Variants in ZGRF1 observed in about 807,000 individuals in gnomAD.
ZGRF1 encodes 5'-3' DNA helicase ZGRF1.
In ZGRF1, 196 loss-of-function variants were observed where a neutral mutation model predicts 203.5. The observed-to-expected ratio is 0.96, with a 90% CI of 0.86 to 1.08. ZGRF1 has a LOEUF of 1.08. Among genes scored for constraint, ZGRF1 ranks in the 50% least tolerant of loss-of-function variants. The pLI is 0.00. For missense variants in ZGRF1, 2,326 were observed against 2,416.3 expected, an observed-to-expected ratio of 0.96 and a Z score of 0.78; for synonymous variants, 809 against 841.3, an observed-to-expected ratio of 0.96 and a Z score of 0.66.
chr4:112,553,239 G>T (rs960384781), intron 22 of ZGRF1, among the ~76,000 whole-genome samples: 5 of 152,164 alleles, frequency 3.3e-5, no homozygotes, highest in African/African-American at 1.2e-4. Context: ...GCTGCTGATT[G>T]ATTTTTTCTC....
chr4:112,620,356 T>C (rs573222185), intron 4 of ZGRF1, among the ~76,000 whole-genome samples, 166 bp from the exon 5 acceptor site: 48 of 152,364 alleles, frequency 3.2e-4, no homozygotes, highest in African/African-American at 1.1e-3. Flanking sequence ...ACTCATTAAC[T>C]ATCAATAAGC....
In ZGRF1 at chr4:112,560,738, A is replaced by G. The variant is rs1325323949; in HGVS notation, c.4955T>C (p.Ile1652Thr). Reference protein sequence around the residue: ...LQTHTFPITIIHGVFGAGKSY... With the variant: ...LQTHTFPITITHGVFGAGKSY... Reference sequence around the variant, plus strand: ...TTTTCTTTCTTGCTTCTTACCATGTATGATTGTGATAGGGAAGGTATGAGT... The same window carrying G: ...TTTTCTTTCTTGCTTCTTACCATGTGTGATTGTGATAGGGAAGGTATGAGT... The change falls in exon 19 of 28, where the codon ATA (isoleucine) becomes ACA (threonine). Residue 1652 changes from isoleucine (I) to threonine (T), a missense_variant. Coordinates refer to ENST00000505019, the MANE Select transcript of ZGRF1 (RefSeq NM_018392.5). 1 of 1,583,878 alleles carries G rather than the reference A, an allele frequency of 6.3e-7. No individual in the cohort carries two copies. Among genetic ancestry groups the G allele is most frequent in the East Asian group, 2.3e-5 (1 of 44,162 alleles).
intron 27 of ZGRF1, 57 bp from the exon 28 acceptor site, chr4:112,539,746 T>C: frequency 6.4e-7 from 1 of 1,561,754 alleles, no homozygotes; most frequent in Non-Finnish European, 8.7e-7. Flanking sequence ...GGTCCCAATA[T>C]TATCATGTCA....
In ZGRF1 at chr4:112,599,176, C is replaced by T. The variant is rs992971236; in HGVS notation, c.2976+4348G>A. On this transcript the variant is annotated intron_variant, in intron 10 of 27. Transcript: ENST00000505019. ...AATATACAAATAATATATAGAGAAC[C>T]TCTATACCAAAACTGTAAAACATTA... 2.6e-5 allele frequency among the ~76,000 whole-genome samples: 4 copies of T among 152,082 alleles called. No homozygotes were observed. The South Asian group carries it at 6.2e-4, about 24-fold the overall frequency.
chr4:112,582,462 T>C (rs1221258344), intron 15 of ZGRF1, among the ~76,000 whole-genome samples: 2 of 151,252 alleles, frequency 1.3e-5, no homozygotes, highest in African/African-American at 4.9e-5. Flanking sequence ...GCTTTTTCCT[T>C]TTTTTTTGAG....
Position 112,619,320 on chromosome 4 carries a change from T to C in ZGRF1, c.722A>G (p.His241Arg), listed in dbSNP as rs780880619. 9 of 1,612,664 alleles carry C rather than the reference T, an allele frequency of 5.6e-6. No individual in the cohort carries two copies. The highest frequency in any genetic ancestry group is 4.5e-5 in the East Asian group (2 of 44,872). ...EPVKRDSLAS[H>R]YSGVSQNIRS... ...GATGTTTTGTGAAACTCCTGAATAG[T>C]GAGATGCCAAACTATCTCTTTTCAC... Residue 241 changes from histidine to arginine, a missense_variant, in exon 6 of 28, where the codon CAC (histidine) becomes CGC (arginine). Physicochemically the swap from His to Arg is conservative, Grantham distance 29 (BLOSUM62 0). Transcript: ENST00000505019.
In ZGRF1 at chr4:112,585,543, T is replaced by C. The variant is rs759177354; in HGVS notation, c.4099A>G (p.Lys1367Glu). ...LVMVKKEGPN[K>E]GRLFYTCDGP... ...AGGGGGAGGGGAAGCAAGAATACCT[T>C]ATTTGGACCTTCCTTTTTAACCATG... Residue 1367 changes from lysine to glutamate, a missense_variant and splice_region_variant, in exon 14 of 28, where the codon AAG (lysine) becomes GAG (glutamate). Physicochemically the swap from Lys to Glu is moderately conservative, Grantham distance 56. Transcript: ENST00000505019. 2 of 1,609,436 alleles carry C rather than the reference T, an allele frequency of 1.2e-6. No individual in the cohort carries two copies. Among genetic ancestry groups the C allele is most frequent in the East Asian group, 4.5e-5 (2 of 44,714 alleles).
intron 9 of ZGRF1, among the ~76,000 whole-genome samples, chr4:112,604,917 A>G (rs1302846362): frequency 6.6e-6 from 1 of 152,210 alleles, no homozygotes; most frequent in Non-Finnish European, 1.5e-5. Flanking sequence ...TAACAAAATG[A>G]CAGTAATATA....
chr4:112,589,643 T>C lies in ZGRF1; in HGVS notation c.3127+81A>G, dbSNP rs147383986. On this transcript the variant is annotated intron_variant, in intron 11 of 27. Transcript: ENST00000505019. ...TGACACTGAATCTGGTTCTAAGATA[T>C]ATTTAGTGTAATAATCTCTCAAATA... is the stretch of plus-strand genomic sequence containing the variant. 2.4e-4 allele frequency: 294 copies of C among 1,233,698 alleles called. 2 individuals carry two copies. The East Asian group carries it at 5.7e-3, about 24-fold the overall frequency. The allele number at this position is 1,233,698 out of a possible 1,614,324, so 76.4% of individuals were successfully genotyped here.
chr4:112,584,201 T>C (rs1483081870), intron 14 of ZGRF1, 27 bp from the exon 15 acceptor site: 3 of 1,470,626 alleles, frequency 2.0e-6, no homozygotes, highest in Non-Finnish European at 2.7e-6. Flanking sequence ...AAGATCAACA[T>C]TTAGTGAAAA....
At position 112,618,672 on chromosome 4, in the gene ZGRF1, T is replaced by C; in HGVS notation, c.1370A>G (p.Glu457Gly). ...ACATGTATTTACCTCCTGAGCATTT[T>C]CTTTAATGAGAACTGATCCTTTAAT... ...GCIKGSVLIK[E>G]NAQEVNTCGT... The change falls in exon 6 of 28, where the codon GAA becomes GGA. Residue 457 changes from glutamate to glycine, a missense_variant. Glu to Gly is a moderately conservative substitution (Grantham distance 98, BLOSUM62 -2). Transcript: ENST00000505019. The C allele has an allele frequency of 6.2e-7, 1 of 1,613,082 alleles. No individual in the cohort carries two copies. The highest frequency in any genetic ancestry group is 8.5e-7 in the Non-Finnish European group (1 of 1,179,830).
chr4:112,542,867 A>T (rs1419777460), intron 24 of ZGRF1, among the ~76,000 whole-genome samples: 1 of 145,312 alleles, frequency 6.9e-6, no homozygotes, highest in Non-Finnish European at 1.5e-5. Context: ...TCTGTTGCCC[A>T]GGCTGGAATG....
intron 11 of ZGRF1, among the ~76,000 whole-genome samples, chr4:112,588,717 T>C (rs1194810089): frequency 6.6e-6 from 1 of 152,220 alleles, no homozygotes; most frequent in Non-Finnish European, 1.5e-5. Flanking sequence ...ATTCCTATTT[T>C]ATAATAATGT....
intron 15 of ZGRF1, among the ~76,000 whole-genome samples, chr4:112,582,211 A>T (rs1389854382): frequency 6.6e-6 from 1 of 152,128 alleles, no homozygotes; most frequent in Non-Finnish European, 1.5e-5. Flanking sequence ...TGTGTTGGGA[A>T]CATTACAATT....
intron 15 of ZGRF1, among the ~76,000 whole-genome samples, chr4:112,582,912 C>G (rs1746519979): frequency 6.6e-6 from 1 of 152,058 alleles, no homozygotes; most frequent in Non-Finnish European, 1.5e-5. Flanking sequence ...TAGGTTGATT[C>G]CATATCTTGG....
At chr4:112,587,253 C>A in intron 12 of ZGRF1, 27 bp downstream of exon 12, 1 of 1,545,106 alleles carries the variant, frequency 6.5e-7, no homozygotes, top group South Asian at 1.2e-5. Flanking sequence ...TGGAAAAATG[C>A]ACCACAAGAC....
intron 7 of ZGRF1, among the ~76,000 whole-genome samples, chr4:112,610,315 A>G (rs548095732): frequency 3.3e-5 from 5 of 152,298 alleles, no homozygotes; most frequent in African/African-American, 1.2e-4. Flanking sequence ...TCATGCCTAT[A>G]ATCGCAGCAC....
At position 112,632,236 on chromosome 4, in the gene ZGRF1, GAGA is replaced by G. The variant is rs541164931; in HGVS notation, c.22-229_22-227del. 2.3e-3 allele frequency among the ~76,000 whole-genome samples: 355 copies of G among 152,114 alleles called. 3 individuals are homozygous for G. Among genetic ancestry groups the G allele is most frequent in the South Asian group, 0.017 (81 of 4,816 alleles). On this transcript the variant is annotated intron_variant, in intron 2 of 27. Transcript: ENST00000505019. ...ATAAATAAGGGAAGGAAGGGAGAGAGAGAAGGAGAGGGAGGGAATAGGGGAGGA... is the reference window on the plus strand; with the variant it reads ...ATAAATAAGGGAAGGAAGGGAGAGAGAGGAGAGGGAGGGAATAGGGGAGGA...
At position 112,541,268 on chromosome 4, in the gene ZGRF1, C is replaced by A; in HGVS notation, c.5599G>T (p.Gly1867Cys). The A allele has an allele frequency of 1.3e-6, 2 of 1,496,052 alleles. No homozygotes were observed. Among genetic ancestry groups the A allele is most frequent in the South Asian group, 1.4e-5 (1 of 71,214 alleles). 92.7% of individuals were successfully genotyped at this position (1,496,052 alleles called of 1,614,324 possible). Residue 1867 changes from glycine to cysteine, a missense_variant and splice_region_variant, in exon 25 of 28, where the codon GGT becomes TGT. Transcript: ENST00000505019. ...QTLFDRLCLM[G>C]HKPILLRTQY... The stretch of plus-strand genomic sequence containing the variant: ...GTTCTCAATAGAATTGGCTTGTGAC[C>A]CTAAGAAATTTAAATGAAGAAAAAT...
Sources: allele counts gnomAD v4.1 joint callset (sites outside exome capture counted in the v4.1 genomes callset), GRCh38; gene constraint gnomAD v4.1.1; transcripts MANE v1.5; gene names NCBI Gene and HGNC (gene_info 2026-07-23, HGNC 2026-07-21).